The following TCF20 variants were observed in gnomAD, a reference collection of about 807,000 sequenced individuals.
The protein encoded by TCF20 is SPRE-binding protein.
TCF20 carries 3 observed loss-of-function variants against 148.6 expected under a neutral mutation model. The observed-to-expected ratio is 0.02, with a 90% CI of 0.01 to 0.05. TCF20 has a LOEUF of 0.05. Ranked by LOEUF, TCF20 falls within the 10% of genes least tolerant of loss-of-function variation. The probability of loss-of-function intolerance (pLI) is 1.00; values close to 1 mark genes in which losing one functional copy is unlikely to be tolerated. For missense variants in TCF20, 2,350 were observed against 2,429.3 expected, an observed-to-expected ratio of 0.97 and a Z score of 0.69; for synonymous variants, 1,049 against 909.5, an observed-to-expected ratio of 1.15 and a Z score of -2.76.
chr22:42,222,165 T>C (rs1922439209), intron 1 of TCF20, among the ~76,000 whole-genome samples: 1 of 152,180 alleles, frequency 6.6e-6, no homozygotes, highest in African/African-American at 2.4e-5. Context: ...AGACAACAAA[T>C]GCATTTATTA....
At chr22:42,185,721 A>G (rs1937012014) in intron 2 of TCF20, among the ~76,000 whole-genome samples, 1 of 152,210 alleles carries the variant, frequency 6.6e-6, no homozygotes, top group Non-Finnish European at 1.5e-5. Flanking sequence ...TGTTAGCCAA[A>G]GCAATACATA....
At chr22:42,238,657 C>T (rs1601641790) in intron 1 of TCF20, among the ~76,000 whole-genome samples, 1 of 152,170 alleles carries the variant, frequency 6.6e-6, no homozygotes, top group Non-Finnish European at 1.5e-5. Flanking sequence ...ATTAACTGAC[C>T]TAACTTCAAT....
chr22:42,260,855 G>C (rs528010545), intron 1 of TCF20, among the ~76,000 whole-genome samples: 1 of 152,272 alleles, frequency 6.6e-6, no homozygotes, highest in Non-Finnish European at 1.5e-5. Context: ...AGGGGGAAAA[G>C]GAATCTAGAA....
chr22:42,170,198 G>A (rs544943993), intron 3 of TCF20, among the ~76,000 whole-genome samples: 27 of 151,600 alleles, frequency 1.8e-4, no homozygotes, highest in Non-Finnish European at 3.1e-4. Flanking sequence ...ATGTTTCTAC[G>A]CATTAAAAAA....
chr22:42,178,707 C>T (rs1410256541), intron 3 of TCF20, among the ~76,000 whole-genome samples: 1 of 150,688 alleles, frequency 6.6e-6, no homozygotes, highest in African/African-American at 2.4e-5. Context: ...CTCAGACTCC[C>T]GAGTAGCTGG....
rs746690518 is a variant in TCF20, at chr22:42,163,534, T to C, written c.*45-2176A>G. 5.3e-5 allele frequency among the ~76,000 whole-genome samples: 8 copies of C among 152,332 alleles called. No homozygotes were observed. In the East Asian group the frequency reaches 1.5e-3, roughly 29 times the overall value. On this transcript the variant is annotated intron_variant, in intron 5 of 5. Coordinates refer to ENST00000677622, the MANE Select transcript of TCF20 (RefSeq NM_001378418.1). The stretch of plus-strand genomic sequence containing the variant: ...CCCTGGGCTAGAAGCTTTACAGATA[T>C]TATATCACAGTAACGTGGATCTGCC...
chr22:42,214,856 T>C lies in TCF20; in HGVS notation c.450A>G (p.Ser150=). The C allele has an allele frequency of 1.2e-6, 2 of 1,614,154 alleles. No homozygotes were observed. The highest frequency in any genetic ancestry group is 2.2e-5 in the South Asian group (2 of 91,086). The part of the protein sequence containing the change: ...QAQHSGLGGV[S]HYQQDYTGPF... ...GCCCAGTGTAATCCTGCTGATAATGTGACACACCGCCAAGGCCAGAGTGCT... is the reference window on the plus strand; with the variant it reads ...GCCCAGTGTAATCCTGCTGATAATGCGACACACCGCCAAGGCCAGAGTGCT... Residue 150 remains serine (S), a synonymous_variant, in exon 2 of 6, where the codon TCA becomes TCG. Transcript: ENST00000677622.
In TCF20 at chr22:42,213,742, C is replaced by T; in HGVS notation, c.1564G>A (p.Gly522Ser). Residue 522 changes from glycine to serine, a missense_variant, in exon 2 of 6, where the codon GGC becomes AGC. Around this residue, in one of 7 missense-constraint regions of TCF20, gnomAD observed 1,641 missense variants for 1,662.6 expected, o/e 0.99. Transcript: ENST00000677622. ...KSPMAESLDG[G>S]CSSSSEDQGE... Reference sequence around the variant, plus strand: ...TGATCCTCTGAACTGCTGGAGCAGCCTCCATCTAATGACTCTGCCATAGGG... The same window carrying T: ...TGATCCTCTGAACTGCTGGAGCAGCTTCCATCTAATGACTCTGCCATAGGG... The T allele has an allele frequency of 6.2e-7, 1 of 1,614,178 alleles. No individual in the cohort carries two copies. The highest frequency in any genetic ancestry group is 8.5e-7 in the Non-Finnish European group (1 of 1,180,030).
rs142538936 is a variant in TCF20, at chr22:42,214,481, G to A, written c.825C>T (p.His275=). The change falls in exon 2 of 6, where the codon CAC becomes CAT. Residue 275 remains histidine, a synonymous_variant. Coordinates refer to ENST00000677622, the MANE Select transcript of TCF20 (RefSeq NM_001378418.1). ...AAGCCTGTGCATTAGAACCCACATT[G>A]TGTCCTTCATACTGAGATCCAGCAT... ...NVNAGSQYEG[H]NVGSNAQAYG... 5.6e-6 allele frequency: 9 copies of A among 1,614,148 alleles called. No homozygotes were observed. The highest frequency in any genetic ancestry group is 7.6e-6 in the Non-Finnish European group (9 of 1,180,038).
intron 2 of TCF20, 105 bp from the exon 3 acceptor site, chr22:42,179,807 G>A: frequency 2.7e-6 from 2 of 743,384 alleles, no homozygotes; most frequent in Non-Finnish European, 4.8e-6. Context: ...TGTCTCTGTG[G>A]TTAGAGGAGT....
chr22:42,310,932 T>C (rs1390531890), intron 1 of TCF20, among the ~76,000 whole-genome samples: 2 of 152,242 alleles, frequency 1.3e-5, no homozygotes, highest in African/African-American at 4.8e-5. Flanking sequence ...TCAATCTGTC[T>C]TGAGTTTAGC....
At chr22:42,195,803 T>C (rs1937578374) in intron 2 of TCF20, among the ~76,000 whole-genome samples, 1 of 152,190 alleles carries the variant, frequency 6.6e-6, no homozygotes, top group African/African-American at 2.4e-5. Context: ...CCCAGCTCAA[T>C]ATTACATACT....
chr22:42,225,694 G>A (rs1027212435), intron 1 of TCF20, among the ~76,000 whole-genome samples: 3 of 151,090 alleles, frequency 2.0e-5, no homozygotes, highest in African/African-American at 2.4e-5. Context: ...TGTTCCTACT[G>A]ACAGCAAAGT....
intron 1 of TCF20, among the ~76,000 whole-genome samples, chr22:42,294,763 A>G (rs1927200622): frequency 6.6e-6 from 1 of 152,258 alleles, no homozygotes; most frequent in Admixed American, 6.5e-5. Context: ...AGAGGTGGGC[A>G]GTGGCTTGCT....
At chr22:42,328,163 C>T (rs556764809) in intron 1 of TCF20, among the ~76,000 whole-genome samples, 1 of 152,264 alleles carries the variant, frequency 6.6e-6, no homozygotes, top group South Asian at 2.1e-4. Flanking sequence ...CCAGGCTCAG[C>T]CATGCAGGGG....
At chr22:42,190,951 T>C (rs1250142753) in intron 2 of TCF20, among the ~76,000 whole-genome samples, 2 of 152,240 alleles carry the variant, frequency 1.3e-5, no homozygotes, top group Non-Finnish European at 1.5e-5. Context: ...TTTAATGTTC[T>C]GTAACACTGT....
rs1035851082 is a variant in TCF20, at chr22:42,317,519, A to G, written c.-37+25960T>C. Among the ~76,000 whole-genome samples the G allele has an allele frequency of 1.3e-5, 2 of 152,012 alleles. No homozygotes were observed. Among genetic ancestry groups the G allele is most frequent in the African/African-American group, 2.4e-5 (1 of 41,378 alleles). On this transcript the variant is annotated intron_variant, in intron 1 of 1. Coordinates refer to the TCF20 transcript ENST00000515426. This position sits in a 1 kb window ranked among gnomAD's most constrained non-coding sequence, Gnocchi z 4.2. ...AGTGTCACCTCATTACCCACTCACTACCTGGTACATGGGCAAAGAAAAATA... is the reference window on the plus strand; with the variant it reads ...AGTGTCACCTCATTACCCACTCACTGCCTGGTACATGGGCAAAGAAAAATA...
intron 1 of TCF20, among the ~76,000 whole-genome samples, chr22:42,248,385 C>T (rs1296062985): frequency 6.6e-6 from 1 of 152,198 alleles, no homozygotes; most frequent in Non-Finnish European, 1.5e-5. Flanking sequence ...TCTCTTCAGT[C>T]TGTTTCTTTA....
At chr22:42,287,870 AAAAAG>A (rs944171939), upstream of TCF20, among the ~76,000 whole-genome samples, 6 of 152,318 alleles carry the variant, frequency 3.9e-5, no homozygotes, top group African/African-American at 1.4e-4. Context: ...CTAGCCAAAA[AAAAAG>A]AAAAGAAAAG....
Sources: allele counts gnomAD v4.1 joint callset (sites outside exome capture counted in the v4.1 genomes callset), GRCh38; gene constraint gnomAD v4.1.1; regional missense constraint gnomAD v4.1.1; non-coding constraint Gnocchi (gnomAD v3.1); transcripts MANE v1.5; gene names NCBI Gene and HGNC (gene_info 2026-07-23, HGNC 2026-07-21).